The following TRIP12 variants were observed in gnomAD, a reference collection of about 807,000 sequenced individuals.
TRIP12 encodes thyroid hormone receptor interactor 12.
A neutral mutation model predicts 244.2 loss-of-function variants in TRIP12; 25 were observed. The ratio of observed to expected loss-of-function variants is 0.10; its 90% CI spans 0.07 to 0.14. The LOEUF (loss-of-function observed/expected upper bound fraction) is 0.14, where lower values mean the gene tolerates loss of function less well. Among genes scored for constraint, TRIP12 ranks in the 10% least tolerant of loss-of-function variants. The pLI is 1.00. For synonymous variants in TRIP12, 905 were observed against 873.1 expected (o/e 1.04, Z -0.64); for missense variants, 1,677 against 2,486.4 (o/e 0.67, Z 6.92).
intron 1 of TRIP12, among the ~76,000 whole-genome samples, chr2:229,890,579 A>G (rs1438211853): frequency 6.6e-6 from 1 of 152,200 alleles, no homozygotes; most frequent in Non-Finnish European, 1.5e-5. Context: ...AATTATTAAG[A>G]TTATAGTTAA....
At chr2:229,833,546 C>G (rs1284593995) in intron 6 of TRIP12, among the ~76,000 whole-genome samples, 1 of 152,150 alleles carries the variant, frequency 6.6e-6, no homozygotes, top group Non-Finnish European at 1.5e-5. Flanking sequence ...GCCTCGGCCT[C>G]TGAATGTTGG....
chr2:229,830,888 T>C, intron 6 of TRIP12, 49 bp from the exon 7 acceptor site: 1 of 1,580,910 alleles, frequency 6.3e-7, no homozygotes, highest in Non-Finnish European at 8.7e-7. Flanking sequence ...CTTAAACACA[T>C]TATGTCTGGC....
At chr2:229,810,794 T>A in intron 15 of TRIP12, 86 bp downstream of exon 15, 1 of 1,343,126 alleles carries the variant, frequency 7.4e-7, no homozygotes, top group South Asian at 1.4e-5. Flanking sequence ...AGTAATCTCT[T>A]CCATTTGCTC....
At chr2:229,891,684 T>G (rs1291078528) in intron 1 of TRIP12, among the ~76,000 whole-genome samples, 1 of 152,234 alleles carries the variant, frequency 6.6e-6, no homozygotes, top group Non-Finnish European at 1.5e-5. Context: ...CAGCTAGGTT[T>G]GACAACTGTG....
chr2:229,922,364 A>T, upstream of TRIP12: 2 of 725,562 alleles, frequency 2.8e-6, no homozygotes, highest in Non-Finnish European at 4.6e-6. Context: ...GTTCCCTAAG[A>T]CCCTTGGAAG....
rs1250022676 is a variant in TRIP12 at position 229,769,138 on chromosome 2, G to C, written c.5903+93C>G. On this transcript the variant is annotated intron_variant, in intron 40 of 41. Coordinates refer to ENST00000675903, the MANE Select transcript of TRIP12 (RefSeq NM_001348323.3). ...TTTAAAATGAACCACTCCAACTTTT[G>C]TTGTTTACACATGTGCGCATGTGTG... 5 of 1,063,636 alleles carry C rather than the reference G, an allele frequency of 4.7e-6. No homozygotes were observed. In the African/African-American group the frequency reaches 6.6e-5, roughly 14 times the overall value. 65.9% of individuals were successfully genotyped at this position (1,063,636 alleles called of 1,614,324 possible).
intron 1 of TRIP12, among the ~76,000 whole-genome samples, chr2:229,913,809 T>C (rs866863656): frequency 3.5e-4 from 53 of 152,204 alleles, no homozygotes; most frequent in African/African-American, 1.0e-3. Context: ...GATCTCTACC[T>C]TGAAGAGGCC....
Position 229,771,651 on chromosome 2 carries a change from C to A in TRIP12, c.5695-19G>T, listed in dbSNP as rs1553573134. The stretch of plus-strand genomic sequence containing the variant: ...TAACCAGCTGCAAAAAGAAAGTTTT[C>A]AAAAAACTGTGACAAGATTTCAAAT... On this transcript the variant is annotated intron_variant, in intron 38 of 41. Transcript: ENST00000675903. 1 of 1,581,906 alleles carries A rather than the reference C, an allele frequency of 6.3e-7. No individual in the cohort carries two copies. Among genetic ancestry groups the A allele is most frequent in the Non-Finnish European group, 8.7e-7 (1 of 1,152,266 alleles).
intron 33 of TRIP12, among the ~76,000 whole-genome samples, chr2:229,786,482 C>T (rs1254251845): frequency 1.3e-5 from 2 of 150,204 alleles, no homozygotes; most frequent in Non-Finnish European, 3.0e-5. Flanking sequence ...ACCGCAACCT[C>T]CAACTCCCTG....
chr2:229,861,077 A>T (rs2162525), intron 2 of TRIP12, among the ~76,000 whole-genome samples: 2 of 152,218 alleles, frequency 1.3e-5, no homozygotes, highest in Admixed American at 1.3e-4. Context: ...ACTAAACAAT[A>T]AATAAACCTA....
rs1195076823 is a variant in TRIP12 at position 229,891,059 on chromosome 2, G to A, written c.-49-10931C>T. Among the ~76,000 whole-genome samples the A allele has an allele frequency of 2.6e-5, 4 of 152,294 alleles. No homozygotes were observed. In the East Asian group the frequency reaches 7.7e-4, roughly 29 times the overall value. Reference sequence around the variant, plus strand: ...ATGGGAGGCCAAGGCACAAGAAGGTGGCTTGAGCCCAGGAGTTCAAGACCA... The same window carrying A: ...ATGGGAGGCCAAGGCACAAGAAGGTAGCTTGAGCCCAGGAGTTCAAGACCA... On this transcript the variant is annotated intron_variant, in intron 1 of 41. Coordinates refer to ENST00000675903, the MANE Select transcript of TRIP12 (RefSeq NM_001348323.3).
In TRIP12 at chr2:229,808,318, C is replaced by T. The variant is rs1386605432; in HGVS notation, c.2273G>A (p.Cys758Tyr). ...FLLCGASNGS[C>Y]QEQIDLVPRS... ...TGGAACAAGATCAATCTGTTCCTGA[C>T]AACTTCCATTGGAGGCACCACACAG... is the stretch of plus-strand genomic sequence containing the variant. Residue 758 changes from cysteine to tyrosine, a missense_variant, in exon 16 of 42, where the codon TGT becomes TAT. Cys to Tyr is a radical substitution (Grantham distance 194). This residue lies in a region of TRIP12 where 572 missense variants were observed against 867.8 expected (regional missense o/e 0.66). Transcript: ENST00000675903. 7.4e-6 allele frequency: 12 copies of T among 1,613,788 alleles called. No individual in the cohort carries two copies. The African/African-American group carries it at 1.3e-4, about 18-fold the overall frequency.
Position 229,769,400 on chromosome 2 carries a change from T to C in TRIP12, c.5809-75A>G, listed in dbSNP as rs976879143. The C allele has an allele frequency of 1.9e-5, 27 of 1,386,596 alleles. No individual in the cohort carries two copies. The African/African-American group carries it at 3.9e-4, about 20-fold the overall frequency. 85.9% of individuals were successfully genotyped at this position (1,386,596 alleles called of 1,614,324 possible). A position where few individuals can be genotyped will look rare whatever the true frequency, so the allele number is the denominator to read the frequency against. On this transcript the variant is annotated intron_variant, in intron 39 of 41. Coordinates refer to ENST00000675903, the MANE Select transcript of TRIP12 (RefSeq NM_001348323.3). ...ACGTGAGTGAAAATAAAGGTCTACG[T>C]GTACCATAAAAGAGTATCAGTCTCA...
At chr2:229,904,442 T>C (rs1175891959) in intron 1 of TRIP12, among the ~76,000 whole-genome samples, 1 of 151,308 alleles carries the variant, frequency 6.6e-6, no homozygotes, top group Non-Finnish European at 1.5e-5. Flanking sequence ...AAAAAAATTT[T>C]AATCTGACAA....
intron 1 of TRIP12, among the ~76,000 whole-genome samples, chr2:229,906,647 G>A (rs372630745): frequency 4.0e-5 from 6 of 150,448 alleles, no homozygotes; most frequent in African/African-American, 1.5e-4. Flanking sequence ...TTGAACCTGG[G>A]AGGCAGAGGT....
In TRIP12 at chr2:229,829,193, T is replaced by C; in HGVS notation, c.1450A>G (p.Ser484Gly). ...LFHRTIGSGA[S>G]SKAQQLLQGL... ...TCAGGGAAGGAACATTTTTACTTAC[T>C]AGCTCCACTTCCAATTGTTCTATGG... The change falls in exon 8 of 42, where the codon AGT (serine) becomes GGT (glycine). Residue 484 changes from serine (S) to glycine (G), a missense_variant and splice_region_variant. Transcript: ENST00000675903. The C allele has an allele frequency of 1.9e-6, 3 of 1,613,662 alleles. No individual in the cohort carries two copies. The highest frequency in any genetic ancestry group is 2.5e-6 in the Non-Finnish European group (3 of 1,179,764).
At chr2:229,834,670 G>C (rs376491972) in intron 6 of TRIP12, among the ~76,000 whole-genome samples, 4 of 152,024 alleles carry the variant, frequency 2.6e-5, no homozygotes, top group East Asian at 3.9e-4. Flanking sequence ...TGAGGCAAGA[G>C]AATCACTTGA....
Position 229,808,386 on chromosome 2 carries a change from C to CA in TRIP12, c.2222-18dup, listed in dbSNP as rs1289904290. On this transcript the variant is annotated splice_polypyrimidine_tract_variant and intron_variant, in intron 15 of 41. Coordinates refer to ENST00000675903, the MANE Select transcript of TRIP12 (RefSeq NM_001348323.3). ...CTGCAATGTCTGTAAAAACCAACAA[C>CA]AAAAAACAAAAGGCTATTAAACTAG... 2.5e-5 allele frequency: 39 copies of CA among 1,567,156 alleles called. No homozygotes were observed. Among genetic ancestry groups the CA allele is most frequent in the Middle Eastern group, 1.7e-4 (1 of 5,986 alleles).
intron 2 of TRIP12, among the ~76,000 whole-genome samples, chr2:229,864,047 A>AGAGAGAGAGAGTGTGTGTGT: frequency 5.0e-5 from 4 of 79,292 alleles, no homozygotes; most frequent in South Asian, 5.1e-4. Flanking sequence ...AGAGAGAGAG[A>AGAGAGAGAGAGTGTGTGTGT]GTGTGTGTGT....
Sources: allele counts gnomAD v4.1 joint callset (sites outside exome capture counted in the v4.1 genomes callset), GRCh38; gene constraint gnomAD v4.1.1; regional missense constraint gnomAD v4.1.1; transcripts MANE v1.5; gene names NCBI Gene and HGNC (gene_info 2026-07-23, HGNC 2026-07-21).